NRXN3: variants seen among roughly 807,000 people sequenced by gnomAD.
The protein encoded by NRXN3 is neurexin III.
Under a neutral mutation model 137.6 loss-of-function variants are expected in NRXN3, and 32 were observed. The observed-to-expected ratio is 0.23, with a 90% CI of 0.18 to 0.31. NRXN3 has a LOEUF of 0.31. Among genes scored for constraint, NRXN3 ranks in the 10% least tolerant of loss-of-function variants. The pLI, the probability that NRXN3 is intolerant of heterozygous loss-of-function variation, is 1.00. For missense variants in NRXN3, 1,574 were observed against 2,062.5 expected (o/e 0.76, Z 4.59); for synonymous variants, 798 against 784.5 (o/e 1.02, Z -0.29).
At chr14:78,441,011 AGTCT>A (rs999838985) in intron 4 of NRXN3, among the ~76,000 whole-genome samples, 3 of 152,068 alleles carry the variant, frequency 2.0e-5, no homozygotes, top group Middle Eastern at 3.2e-3. Context: ...CATCCTTGGC[AGTCT>A]GTCTGTCTGT....
intron 16 of NRXN3, among the ~76,000 whole-genome samples, chr14:79,609,974 G>C (rs1038658645): frequency 3.9e-5 from 6 of 152,072 alleles, no homozygotes; most frequent in African/African-American, 1.4e-4. Flanking sequence ...GGGAGGGATA[G>C]CATTAGGAGA....
intron 16 of NRXN3, among the ~76,000 whole-genome samples, chr14:79,550,314 A>G (rs76771768): frequency 1.6e-3 from 238 of 152,184 alleles, no homozygotes; most frequent in Non-Finnish European, 2.5e-3. Context: ...CCTTATTCCT[A>G]AGAAATCCAC....
chr14:78,688,025 T>C (rs546208414), intron 6 of NRXN3, among the ~76,000 whole-genome samples: 15 of 152,340 alleles, frequency 9.8e-5, no homozygotes, highest in African/African-American at 3.4e-4. Flanking sequence ...TATTTCTTTT[T>C]TAGCCTTTTT....
At chr14:78,788,212 A>G (rs1234452444) in intron 8 of NRXN3, among the ~76,000 whole-genome samples, 3 of 152,150 alleles carry the variant, frequency 2.0e-5, no homozygotes, top group African/African-American at 4.8e-5. Context: ...GCAATGGGCC[A>G]CCTCTAGACC....
intron 16 of NRXN3, among the ~76,000 whole-genome samples, chr14:79,607,734 G>A (rs1056925984): frequency 2.7e-5 from 4 of 148,506 alleles, no homozygotes; most frequent in Non-Finnish European, 5.9e-5. Context: ...GTGCAGTGGT[G>A]CAGTCTTGGC....
At chr14:78,757,341 C>G (rs1210467912) in intron 8 of NRXN3, among the ~76,000 whole-genome samples, 2 of 149,146 alleles carry the variant, frequency 1.3e-5, no homozygotes, top group Non-Finnish European at 2.9e-5. Flanking sequence ...ACTTGGGAGG[C>G]AGAGGTTGCA....
chr14:78,401,892 T>C (rs2092102789), intron 4 of NRXN3, among the ~76,000 whole-genome samples: 1 of 152,248 alleles, frequency 6.6e-6, no homozygotes, highest in South Asian at 2.1e-4. Flanking sequence ...TTTTAATGCC[T>C]TGACTAGATC....
chr14:78,210,546 C>T (rs1036184180), intron 1 of NRXN3, among the ~76,000 whole-genome samples: 2 of 152,022 alleles, frequency 1.3e-5, no homozygotes, highest in Admixed American at 1.3e-4. Flanking sequence ...AATAAAGTAC[C>T]TCAATTTTCT....
intron 15 of NRXN3, among the ~76,000 whole-genome samples, chr14:79,161,739 T>C (rs1303201293): frequency 6.6e-6 from 1 of 151,714 alleles, no homozygotes. Flanking sequence ...AAGTGAAGCC[T>C]CTAGTTTGTA....
At chr14:79,688,929 GT>G (rs933509617) in intron 17 of NRXN3, among the ~76,000 whole-genome samples, 11 of 152,162 alleles carry the variant, frequency 7.2e-5, no homozygotes, top group African/African-American at 2.4e-4. Flanking sequence ...TGACTAATAT[GT>G]TTTTTTCTAA....
intron 1 of NRXN3, among the ~76,000 whole-genome samples, chr14:78,223,172 TCA>T (rs1258661300): frequency 6.6e-6 from 1 of 152,210 alleles, no homozygotes; most frequent in East Asian, 1.9e-4. Flanking sequence ...GTTTCAGACC[TCA>T]GTTTGTCCAC....
intron 15 of NRXN3, among the ~76,000 whole-genome samples, chr14:79,273,783 G>A (rs1314693219): frequency 6.6e-6 from 1 of 151,772 alleles, no homozygotes; most frequent in Admixed American, 6.6e-5. Context: ...TTTCACAGAT[G>A]AAGAAACTAA....
At chr14:79,617,331 A>G (rs1049465852) in intron 16 of NRXN3, among the ~76,000 whole-genome samples, 2 of 146,762 alleles carry the variant, frequency 1.4e-5, no homozygotes, top group African/African-American at 4.9e-5. Flanking sequence ...GTGCATCCCC[A>G]ATGGCTTTTC....
At chr14:78,413,573 C>T (rs769742151) in intron 4 of NRXN3, among the ~76,000 whole-genome samples, 2 of 152,204 alleles carry the variant, frequency 1.3e-5, no homozygotes, top group Non-Finnish European at 2.9e-5. Flanking sequence ...TGAGCCACCG[C>T]ACCTGGCCTG....
intron 4 of NRXN3, among the ~76,000 whole-genome samples, chr14:78,425,367 T>C (rs2153681855): frequency 6.6e-6 from 1 of 152,320 alleles, no homozygotes. Context: ...TCTTAGAGTA[T>C]TGTCCAGGAA....
At chr14:78,718,899 A>C (rs1309934480) in intron 8 of NRXN3, among the ~76,000 whole-genome samples, 2 of 152,236 alleles carry the variant, frequency 1.3e-5, no homozygotes, top group Non-Finnish European at 2.9e-5. Context: ...GTATCATAGA[A>C]TACCACCTAC....
chr14:79,593,796 C>T (rs1287754959), intron 16 of NRXN3, among the ~76,000 whole-genome samples: 2 of 152,120 alleles, frequency 1.3e-5, no homozygotes, highest in Non-Finnish European at 2.9e-5. Flanking sequence ...TAAGCAGACT[C>T]ATTATACTTT....
chr14:79,557,360 G>T (rs766896772), intron 16 of NRXN3, among the ~76,000 whole-genome samples: 38 of 152,010 alleles, frequency 2.5e-4, no homozygotes, highest in South Asian at 6.2e-4. Context: ...TTGGTTCATA[G>T]AACTCATTAT....
Position 79,828,616 on chromosome 14 carries a change from C to G in NRXN3, c.4093+23426C>G, listed in dbSNP as rs1479280953. Among the ~76,000 whole-genome samples the G allele has an allele frequency of 1.2e-4, 3 of 24,824 alleles. No individual in the cohort carries two copies. The East Asian group carries it at 6.3e-3, about 52-fold the overall frequency. 16.3% of individuals were successfully genotyped at this position (24,824 alleles called of 152,430 possible). On this transcript the variant is annotated intron_variant, in intron 20 of 20. Transcript: ENST00000335750. Reference sequence around the variant, plus strand: ...CCTGGGCAACAGAGGAAGACTCCATCTCAAAAAAAAAAAAAAAAAAAAAAG... The same window carrying G: ...CCTGGGCAACAGAGGAAGACTCCATGTCAAAAAAAAAAAAAAAAAAAAAAG...
Sources: allele counts gnomAD v4.1 joint callset (sites outside exome capture counted in the v4.1 genomes callset), GRCh38; gene constraint gnomAD v4.1.1; transcripts MANE v1.5; gene names NCBI Gene and HGNC (gene_info 2026-07-23, HGNC 2026-07-21).